Variants in CFAP54 observed in about 807,000 individuals in gnomAD.
CFAP54 encodes cilia and flagella associated protein 54, also known as cilia- and flagella-associated protein 54.
A neutral mutation model predicts 370.4 loss-of-function variants in CFAP54; 290 were observed. The ratio of observed to expected loss-of-function variants is 0.78; its 90% CI spans 0.71 to 0.86. The LOEUF (loss-of-function observed/expected upper bound fraction) is 0.86, where lower values mean the gene tolerates loss of function less well. Ranked by LOEUF, CFAP54 falls within the 40% of genes least tolerant of loss-of-function variation. The pLI is 0.00. For missense variants in CFAP54, 3,399 were observed against 3,528.7 expected (o/e 0.96, Z 0.93); for synonymous variants, 1,206 against 1,236.5 (o/e 0.98, Z 0.52).
At chr12:96,558,926 C>G (rs985758661) in intron 17 of CFAP54, among the ~76,000 whole-genome samples, 1 of 152,004 alleles carries the variant, frequency 6.6e-6, no homozygotes, top group Non-Finnish European at 1.5e-5. Flanking sequence ...ATACAATCAG[C>G]GAAGTAAGGC....
chr12:96,641,618 C>T (rs1241807361), intron 32 of CFAP54, among the ~76,000 whole-genome samples: 1 of 152,136 alleles, frequency 6.6e-6, no homozygotes, highest in Non-Finnish European at 1.5e-5. Flanking sequence ...GCTGTAAAGA[C>T]ACATGCACAC....
At chr12:96,655,952 TATTC>T (rs985874393) in intron 36 of CFAP54, among the ~76,000 whole-genome samples, 8 of 152,150 alleles carry the variant, frequency 5.3e-5, no homozygotes, top group Non-Finnish European at 1.2e-4. Flanking sequence ...AATACTAAAA[TATTC>T]ATAGATTAAT....
chr12:96,613,737 A>G (rs1956385633), intron 26 of CFAP54, among the ~76,000 whole-genome samples: 1 of 152,228 alleles, frequency 6.6e-6, no homozygotes, highest in South Asian at 2.1e-4. Context: ...AATACTATAA[A>G]CACCTATATG....
intron 39 of CFAP54, among the ~76,000 whole-genome samples, chr12:96,673,037 T>A (rs1957167113): frequency 6.6e-6 from 1 of 152,178 alleles, no homozygotes; most frequent in South Asian, 2.1e-4. Flanking sequence ...TCCTTTGGGT[T>A]GATTCTCAAT....
intron 3 of CFAP54, among the ~76,000 whole-genome samples, chr12:96,504,994 T>TTTTCTTTC (rs140087516): frequency 1.3e-4 from 19 of 149,024 alleles, no homozygotes; most frequent in South Asian, 6.4e-4. Context: ...TCTTCTTTCT[T>TTTTCTTTC]TTTCTTTCTT....
At chr12:96,866,450 T>A (rs1229825796) in intron 67 of CFAP54, among the ~76,000 whole-genome samples, 1 of 152,158 alleles carries the variant, frequency 6.6e-6, no homozygotes, top group Non-Finnish European at 1.5e-5. Context: ...TGCAAATGAA[T>A]TGCTTTTGTT....
At chr12:96,539,352 C>T (rs775250074) in intron 13 of CFAP54, among the ~76,000 whole-genome samples, 23 of 152,044 alleles carry the variant, frequency 1.5e-4, no homozygotes, top group Non-Finnish European at 3.1e-4. Context: ...AGCCCCTGCG[C>T]CCGGCTTCAA....
At chr12:96,680,196 T>C (rs1957255017) in intron 40 of CFAP54, among the ~76,000 whole-genome samples, 1 of 152,246 alleles carries the variant, frequency 6.6e-6, no homozygotes, top group Non-Finnish European at 1.5e-5. Flanking sequence ...AGATTTCTTA[T>C]TAATACTATA....
chr12:96,628,542 GA>G (rs1306114006), intron 30 of CFAP54, among the ~76,000 whole-genome samples: 9 of 152,192 alleles, frequency 5.9e-5, no homozygotes, highest in Admixed American at 2.6e-4. Flanking sequence ...TAGCTGGTTG[GA>G]AATGGAAGGC....
At chr12:96,591,708 T>A (rs1163436210) in intron 23 of CFAP54, among the ~76,000 whole-genome samples, 11 of 151,646 alleles carry the variant, frequency 7.3e-5, no homozygotes, top group African/African-American at 2.7e-4. Context: ...GCTAACACGG[T>A]GAAACCCCGT....
At chr12:96,791,184 C>CTTTTT (rs369132463) in intron 62 of CFAP54, among the ~76,000 whole-genome samples, 1 of 131,424 alleles carries the variant, frequency 7.6e-6, no homozygotes, top group Non-Finnish European at 1.6e-5. Flanking sequence ...TTGAAGAACG[C>CTTTTT]TTTTTTTTTT....
chr12:96,668,777 G>A (rs1317145754), intron 39 of CFAP54, among the ~76,000 whole-genome samples: 1 of 152,148 alleles, frequency 6.6e-6, no homozygotes, highest in Non-Finnish European at 1.5e-5. Flanking sequence ...TCTGTTTCTG[G>A]TATCAAAAAG....
At chr12:96,493,182 T>G (rs1464237416) in intron 1 of CFAP54, among the ~76,000 whole-genome samples, 1 of 152,200 alleles carries the variant, frequency 6.6e-6, no homozygotes, top group Non-Finnish European at 1.5e-5. Context: ...TTGGCCTTTA[T>G]TTATACAATA....
intron 39 of CFAP54, among the ~76,000 whole-genome samples, chr12:96,668,456 G>C: frequency 6.6e-6 from 1 of 152,170 alleles, no homozygotes; most frequent in Non-Finnish European, 1.5e-5. Flanking sequence ...CTTATATGGT[G>C]GCAGGCAAGA....
intron 63 of CFAP54, among the ~76,000 whole-genome samples, chr12:96,806,744 G>A (rs1056087287): frequency 7.9e-5 from 12 of 152,126 alleles, no homozygotes; most frequent in African/African-American, 2.9e-4. Context: ...GGGCCAGGTT[G>A]ACCATGCAAT....
In CFAP54 at chr12:96,609,484, T is replaced by G. The variant is rs565845891; in HGVS notation, c.3639+10717T>G. Among the ~76,000 whole-genome samples, 63 of 152,310 alleles carry G rather than the reference T, an allele frequency of 4.1e-4. 1 individual carries two copies. Among genetic ancestry groups the G allele is most frequent in the African/African-American group, 1.5e-3 (62 of 41,566 alleles). ...CAACATTTTACAGCAAATATCATACTGAATGGCAATTTTCTGGAGCCATTT... is the reference window on the plus strand; with the variant it reads ...CAACATTTTACAGCAAATATCATACGGAATGGCAATTTTCTGGAGCCATTT... On this transcript the variant is annotated intron_variant, in intron 26 of 67. Coordinates refer to ENST00000524981, the MANE Select transcript of CFAP54 (RefSeq NM_001306084.2).
chr12:96,580,143 A>G (rs1019562887), intron 20 of CFAP54, among the ~76,000 whole-genome samples: 1 of 151,838 alleles, frequency 6.6e-6, no homozygotes, highest in Non-Finnish European at 1.5e-5. Context: ...CATGTAAAAT[A>G]TGAAAATCAC....
Position 96,625,950 on chromosome 12 carries a change from T to C in CFAP54, c.3976+143T>C, listed in dbSNP as rs1340277909. 6 of 604,038 alleles carry C rather than the reference T, an allele frequency of 9.9e-6. No homozygotes were observed. In the East Asian group the frequency reaches 1.8e-4, roughly 18 times the overall value. 37.4% of individuals were successfully genotyped at this position (604,038 alleles called of 1,614,324 possible). ...TTGAATTCTTACCCACTCAGAATAATGCAGAATCCTGATTGCCAAGTAATG... is the reference window on the plus strand; with the variant it reads ...TTGAATTCTTACCCACTCAGAATAACGCAGAATCCTGATTGCCAAGTAATG... On this transcript the variant is annotated intron_variant, in intron 29 of 67. Coordinates refer to ENST00000524981, the MANE Select transcript of CFAP54 (RefSeq NM_001306084.2).
At chr12:96,825,935 C>T (rs1018304228) in intron 65 of CFAP54, among the ~76,000 whole-genome samples, 5 of 136,520 alleles carry the variant, frequency 3.7e-5, no homozygotes, top group Non-Finnish European at 7.7e-5. Context: ...AAATATGTAA[C>T]ATAGTACATT....
Sources: gnomAD v4.1 joint callset for allele counts (sites outside exome capture counted in the v4.1 genomes callset) on GRCh38, gnomAD v4.1.1 for gene constraint, MANE v1.5 for transcripts, NCBI Gene and HGNC (gene_info 2026-07-23, HGNC 2026-07-21) for gene names.